Variants in CHL1 observed in about 807,000 individuals in gnomAD.
CHL1 encodes the protein neural cell adhesion molecule L1-like protein.
In CHL1, 96 loss-of-function variants were observed where a neutral mutation model predicts 141.9. The observed-to-expected ratio is 0.68, with a 90% CI of 0.57 to 0.80. The LOEUF (loss-of-function observed/expected upper bound fraction) is 0.80, where lower values mean the gene tolerates loss of function less well. CHL1 is among the 30% of genes least tolerant of loss of function. The pLI is 0.00. For synonymous variants in CHL1, 613 were observed against 502.2 expected (o/e 1.22, Z -2.95); for missense variants, 1,820 against 1,457.2 (o/e 1.25, Z -4.05).
chr3:376,400 G>A (rs753616313), intron 15 of CHL1: 2 of 516,938 alleles, frequency 3.9e-6, no homozygotes, highest in South Asian at 2.8e-5. Flanking sequence ...GACTGAGGCT[G>A]GAACACGACA....
chr3:345,598 C>T (rs1343496971), intron 9 of CHL1, among the ~76,000 whole-genome samples: 1 of 152,090 alleles, frequency 6.6e-6, no homozygotes, highest in Non-Finnish European at 1.5e-5. Flanking sequence ...ATTCTCCTGC[C>T]TCAGCCTCCT....
intron 2 of CHL1, among the ~76,000 whole-genome samples, chr3:254,298 AC>A (rs993039519): frequency 1.3e-5 from 2 of 152,110 alleles, no homozygotes; most frequent in African/African-American, 4.8e-5. Context: ...CACATCCCTC[AC>A]TAATAAACAA....
At chr3:355,736 A>C (rs1703655090) in intron 11 of CHL1, among the ~76,000 whole-genome samples, 1 of 152,080 alleles carries the variant, frequency 6.6e-6, no homozygotes, top group African/African-American at 2.4e-5. Flanking sequence ...TTTAAACTGC[A>C]AAATGGAGAT....
intron 10 of CHL1, among the ~76,000 whole-genome samples, chr3:353,133 C>T (rs1002014850): frequency 6.6e-6 from 1 of 152,202 alleles, no homozygotes; most frequent in South Asian, 2.1e-4. Context: ...ACTAATATTA[C>T]TAATAGTCCT....
chr3:198,464 T>A (rs1392925324), intron 1 of CHL1, among the ~76,000 whole-genome samples: 1 of 152,198 alleles, frequency 6.6e-6, no homozygotes, highest in African/African-American at 2.4e-5. Flanking sequence ...GACGCCCACG[T>A]GGCTTCGAAT....
chr3:399,209 T>C, intron 26 of CHL1, 61 bp downstream of exon 26: 1 of 1,414,192 alleles, frequency 7.1e-7, no homozygotes, highest in Non-Finnish European at 9.9e-7. Context: ...GGAAGCATTC[T>C]TCAGAGACAA....
chr3:334,806 T>A (rs1468159564), intron 5 of CHL1, among the ~76,000 whole-genome samples: 1 of 152,222 alleles, frequency 6.6e-6, no homozygotes, highest in Non-Finnish European at 1.5e-5. Flanking sequence ...TATGTATTAA[T>A]TAGGATCCTT....
At position 398,263 on chromosome 3, in the gene CHL1, C is replaced by A; in HGVS notation, c.3131C>A (p.Thr1044Asn). 1 of 1,605,804 alleles carries A rather than the reference C, an allele frequency of 6.2e-7. No individual in the cohort carries two copies. Among genetic ancestry groups the A allele is most frequent in the Non-Finnish European group, 8.5e-7 (1 of 1,173,258 alleles). Reference protein sequence around the residue: ...GIGKISGVNLTQKTHPIEVFE... With the variant: ...GIGKISGVNLNQKTHPIEVFE... ...GGGAAGATATCAGGAGTAAATCTTA[C>A]TCAAAAGACTCACCCAATAGAGGTA... The change falls in exon 25 of 28, where the codon ACT (threonine) becomes AAT (asparagine). Residue 1044 changes from threonine to asparagine, a missense_variant. By Grantham distance (65) the Thr-to-Asn change is moderately conservative (BLOSUM62 0). Coordinates refer to ENST00000256509, the MANE Select transcript of CHL1 (RefSeq NM_006614.4).
chr3:402,028 G>A (rs761323527), intron 27 of CHL1, among the ~76,000 whole-genome samples: 1 of 152,142 alleles, frequency 6.6e-6, no homozygotes, highest in South Asian at 2.1e-4. Flanking sequence ...AATCCAATTT[G>A]CATCCACACA....
At chr3:378,893 C>T (rs983034467) in intron 16 of CHL1, among the ~76,000 whole-genome samples, 6 of 152,140 alleles carry the variant, frequency 3.9e-5, no homozygotes, top group Non-Finnish European at 7.4e-5. Flanking sequence ...TTTATTAAAA[C>T]ATTTTGGAAC....
chr3:273,118 G>C (rs1305257914), intron 2 of CHL1, among the ~76,000 whole-genome samples: 1 of 152,180 alleles, frequency 6.6e-6, no homozygotes, highest in East Asian at 1.9e-4. Context: ...TAAGACCCTA[G>C]GAAAGTGGGA....
At chr3:399,596 T>C (rs1039820754) in intron 26 of CHL1, among the ~76,000 whole-genome samples, 1 of 152,240 alleles carries the variant, frequency 6.6e-6, no homozygotes, top group East Asian at 1.9e-4. Flanking sequence ...GCTGAGATCA[T>C]GCCACTGTAC....
chr3:340,842 A>C lies in CHL1; in HGVS notation c.434A>C (p.Glu145Ala), dbSNP rs1575112273. ...KEKIDPLEVE[E>A]GDPIVLPCNP... ...AAAATTGACCCTCTTGAAGTGGAGGAGGGAGATCCAATTGTCCTCCCATGC... is the reference window on the plus strand; with the variant it reads ...AAAATTGACCCTCTTGAAGTGGAGGCGGGAGATCCAATTGTCCTCCCATGC... The change falls in exon 6 of 28, where the codon GAG becomes GCG. Residue 145 changes from glutamate to alanine, a missense_variant. Physicochemically the swap from Glu to Ala is moderately radical, Grantham distance 107. Coordinates refer to ENST00000256509, the MANE Select transcript of CHL1 (RefSeq NM_006614.4). The C allele has an allele frequency of 6.2e-7, 1 of 1,611,128 alleles. No homozygotes were observed. Among genetic ancestry groups the C allele is most frequent in the Non-Finnish European group, 8.5e-7 (1 of 1,177,406 alleles).
rs1692985494 is a variant in CHL1, at chr3:244,615, GC to G, written c.-171del. The G allele has an allele frequency of 6.6e-6, 1 of 152,170 alleles. No homozygotes were observed. The highest frequency in any genetic ancestry group is 6.5e-5 in the Admixed American group (1 of 15,272). 9.4% of individuals were successfully genotyped at this position (152,170 alleles called of 1,614,324 possible). ...ACAACTTTCTAATCTATCCCTAGGT[GC>G]TGTAAACTGCAAACCATAATCCTGT... On this transcript the variant is annotated 5_prime_UTR_variant, in exon 2 of 28. Coordinates refer to ENST00000256509, the MANE Select transcript of CHL1 (RefSeq NM_006614.4).
chr3:370,835 A>C (rs1377216349), intron 15 of CHL1, among the ~76,000 whole-genome samples: 1 of 151,662 alleles, frequency 6.6e-6, no homozygotes, highest in East Asian at 1.9e-4. Flanking sequence ...CAAACTTCTT[A>C]ATTTCTGCCT....
chr3:232,243 G>C (rs974203028), intron 1 of CHL1, among the ~76,000 whole-genome samples: 24 of 152,162 alleles, frequency 1.6e-4, no homozygotes, highest in African/African-American at 5.5e-4. Flanking sequence ...GGTCTTTTGA[G>C]TGACACAACT....
chr3:268,419 C>T (rs1574913454), intron 2 of CHL1, among the ~76,000 whole-genome samples: 1 of 152,044 alleles, frequency 6.6e-6, no homozygotes, highest in African/African-American at 2.4e-5. Flanking sequence ...CCTGTAATCC[C>T]AGCTACTTGG....
chr3:383,920 G>A, intron 19 of CHL1, 34 bp downstream of exon 19: 1 of 1,470,362 alleles, frequency 6.8e-7, no homozygotes, highest in Non-Finnish European at 9.5e-7. Context: ...GTATTTCTTT[G>A]TGCTTTTCTC....
chr3:368,964 C>T (rs898498296), intron 15 of CHL1, among the ~76,000 whole-genome samples: 21 of 152,088 alleles, frequency 1.4e-4, no homozygotes, highest in African/African-American at 4.6e-4. Flanking sequence ...TGTCTGTTTT[C>T]ATACCAGTAC....
Sources: gnomAD v4.1 joint callset for allele counts (sites outside exome capture counted in the v4.1 genomes callset) on GRCh38, gnomAD v4.1.1 for gene constraint, MANE v1.5 for transcripts, NCBI Gene and HGNC (gene_info 2026-07-23, HGNC 2026-07-21) for gene names.